HIVEP3: variants seen among roughly 807,000 people sequenced by gnomAD.
HIVEP3 encodes HIVEP zinc finger 3, also known as transcription factor HIVEP3.
In HIVEP3, 49 loss-of-function variants were observed where a neutral mutation model predicts 152.8. The ratio of observed to expected loss-of-function variants is 0.32; its 90% CI spans 0.26 to 0.41. The LOEUF (loss-of-function observed/expected upper bound fraction) is 0.41, where lower values mean the gene tolerates loss of function less well. Among genes scored for constraint, HIVEP3 ranks in the 10% least tolerant of loss-of-function variants. HIVEP3 has a pLI of 1.00. For missense variants in HIVEP3, 2,790 were observed against 3,103.3 expected (o/e 0.90, Z 2.40); for synonymous variants, 1,269 against 1,289.0 (o/e 0.98, Z 0.33).
At chr1:42,032,986 GAAGCACAC>G (rs1336522283) in intron 1 of HIVEP3, among the ~76,000 whole-genome samples, 1 of 152,128 alleles carries the variant, frequency 6.6e-6, no homozygotes, top group African/African-American at 2.4e-5. Context: ...CACAGTTTGT[GAAGCACAC>G]CAAATGTTTG....
At chr1:41,552,041 A>G (rs895838961) in intron 5 of HIVEP3, among the ~76,000 whole-genome samples, 1 of 152,194 alleles carries the variant, frequency 6.6e-6, no homozygotes, top group Non-Finnish European at 1.5e-5. Flanking sequence ...TTCCCTCTAC[A>G]CACTGCTTTA....
At chr1:41,628,974 T>C (rs970680614) in intron 2 of HIVEP3, 27 bp from the exon 3 acceptor site, 48 of 1,228,518 alleles carry the variant, frequency 3.9e-5, no homozygotes, top group Non-Finnish European at 4.8e-5. Flanking sequence ...AGAAACATGG[T>C]CAAAGAACTT....
intron 1 of HIVEP3, among the ~76,000 whole-genome samples, chr1:41,906,268 C>T (rs1300851275): frequency 6.6e-6 from 1 of 151,606 alleles, no homozygotes; most frequent in Non-Finnish European, 1.5e-5. Context: ...GAGATCGCAC[C>T]ACTGCACTCC....
At chr1:41,526,788 C>CCCTCTT in intron 5 of HIVEP3, among the ~76,000 whole-genome samples, 1 of 147,408 alleles carries the variant, frequency 6.8e-6, no homozygotes, top group African/African-American at 2.5e-5. Flanking sequence ...CTAACACACA[C>CCCTCTT]CCTCACACGC....
intron 1 of HIVEP3, among the ~76,000 whole-genome samples, chr1:41,708,998 T>G (rs1646474007): frequency 6.6e-6 from 1 of 152,182 alleles, no homozygotes; most frequent in South Asian, 2.1e-4. Context: ...AGGGAAGCCT[T>G]TCTCAGGGGT....
chr1:41,739,658 C>T (rs1646968829), intron 1 of HIVEP3, among the ~76,000 whole-genome samples: 1 of 152,232 alleles, frequency 6.6e-6, no homozygotes, highest in Admixed American at 6.5e-5. Context: ...TACCCACCCA[C>T]CTAACATCTA....
chr1:41,734,534 G>A (rs1646888044), intron 1 of HIVEP3, among the ~76,000 whole-genome samples: 1 of 152,224 alleles, frequency 6.6e-6, no homozygotes, highest in African/African-American at 2.4e-5. Context: ...GCTGAAAGGT[G>A]TTCAGCCAAG....
intron 1 of HIVEP3, among the ~76,000 whole-genome samples, chr1:41,746,073 C>T (rs140183101): frequency 0.015 from 2,229 of 152,310 alleles, 25 homozygotes; most frequent in Non-Finnish European, 0.019. Flanking sequence ...ATTGGCAGTG[C>T]CTCCACCACC....
intron 2 of HIVEP3, among the ~76,000 whole-genome samples, chr1:41,653,610 T>C (rs1170496190): frequency 6.6e-6 from 1 of 152,176 alleles, no homozygotes; most frequent in Non-Finnish European, 1.5e-5. Flanking sequence ...ACAGATGGGT[T>C]CTAATCAACC....
chr1:41,811,216 C>T (rs762602323), intron 1 of HIVEP3, among the ~76,000 whole-genome samples: 2 of 151,534 alleles, frequency 1.3e-5, no homozygotes, highest in Non-Finnish European at 2.9e-5. Flanking sequence ...GATCTTCCAT[C>T]TCTTAAGCCC....
chr1:41,588,851 C>T (rs1036645454), intron 3 of HIVEP3, among the ~76,000 whole-genome samples: 3 of 151,990 alleles, frequency 2.0e-5, no homozygotes, highest in Admixed American at 6.5e-5. Context: ...CTAGTGCTCT[C>T]TGCCAGCCTG....
chr1:41,543,820 G>C (rs571414920), intron 5 of HIVEP3: 2 of 152,250 alleles, frequency 1.3e-5, no homozygotes, highest in African/African-American at 4.8e-5. Flanking sequence ...CGCAGGGGAA[G>C]TGGAGATGCT....
At chr1:41,898,295 G>A (rs1886729) in intron 1 of HIVEP3, among the ~76,000 whole-genome samples, 80,917 of 152,024 alleles carry the variant, frequency 0.53, 21,706 homozygotes, top group Middle Eastern at 0.58. Context: ...CCAACAGGGC[G>A]GAAGGGAGGG....
intron 1 of HIVEP3, among the ~76,000 whole-genome samples, chr1:41,832,644 T>A (rs1323758860): frequency 3.9e-5 from 6 of 152,202 alleles, no homozygotes; most frequent in African/African-American, 1.4e-4. Flanking sequence ...AGGATGTGAG[T>A]CTTTGAGCCA....
intron 1 of HIVEP3, among the ~76,000 whole-genome samples, chr1:41,976,974 C>T (rs1346005424): frequency 1.3e-5 from 2 of 152,176 alleles, no homozygotes; most frequent in African/African-American, 4.8e-5. Context: ...CTAAGCCACC[C>T]GGTTTGTGGT....
intron 1 of HIVEP3, among the ~76,000 whole-genome samples, chr1:41,736,001 A>C (rs1646913039): frequency 6.6e-6 from 1 of 152,186 alleles, no homozygotes; most frequent in Non-Finnish European, 1.5e-5. Context: ...CCCATTAAAA[A>C]AATGATTTGT....
chr1:41,697,744 C>A (rs1294349781), intron 2 of HIVEP3, among the ~76,000 whole-genome samples: 1 of 152,208 alleles, frequency 6.6e-6, no homozygotes, highest in Non-Finnish European at 1.5e-5. Context: ...CATCTCTATC[C>A]CCACATGCTG....
At chr1:41,764,262 G>A (rs1321886480) in intron 1 of HIVEP3, among the ~76,000 whole-genome samples, 1 of 152,202 alleles carries the variant, frequency 6.6e-6, no homozygotes, top group Non-Finnish European at 1.5e-5. Context: ...TTTTAATCTA[G>A]GAGGGGAGTG....
rs978501975 is a variant in HIVEP3 at position 41,508,912 on chromosome 1, G to C, written c.*1539C>G. ...CCTGTGCTGCCCTCCCTTGTAGAAAGTAAAGAAAATCAGTTCTGAAACACT... is the reference window on the plus strand; with the variant it reads ...CCTGTGCTGCCCTCCCTTGTAGAAACTAAAGAAAATCAGTTCTGAAACACT... On this transcript the variant is annotated 3_prime_UTR_variant, in exon 9 of 9. Transcript: ENST00000372583. 6.6e-6 allele frequency: 1 copy of C among 152,264 alleles called. No individual in the cohort carries two copies. Among genetic ancestry groups the C allele is most frequent in the Non-Finnish European group, 1.5e-5 (1 of 68,058 alleles). 9.4% of individuals were successfully genotyped at this position (152,264 alleles called of 1,614,324 possible).
Sources: allele counts gnomAD v4.1 joint callset (sites outside exome capture counted in the v4.1 genomes callset), GRCh38; gene constraint gnomAD v4.1.1; transcripts MANE v1.5; gene names NCBI Gene and HGNC (gene_info 2026-07-23, HGNC 2026-07-21).